ZC3HAV1: variants seen among roughly 807,000 people sequenced by gnomAD.
ZC3HAV1 encodes the protein zinc finger CCCH-type containing, antiviral 1.
Under a neutral mutation model 86.6 loss-of-function variants are expected in ZC3HAV1, and 41 were observed. That is an observed-to-expected ratio of 0.47 (90% CI 0.37 to 0.61). ZC3HAV1 has a LOEUF of 0.61. Among genes scored for constraint, ZC3HAV1 ranks in the 20% least tolerant of loss-of-function variants. ZC3HAV1 has a pLI of 0.00. For synonymous variants in ZC3HAV1, 421 were observed against 432.1 expected, an observed-to-expected ratio of 0.97 and a Z score of 0.32; for missense variants, 964 against 1,141.1, an observed-to-expected ratio of 0.84 and a Z score of 2.24.
chr7:139,049,141 T>TCG (rs559718504), intron 12 of ZC3HAV1, among the ~76,000 whole-genome samples: 5,323 of 104,096 alleles, frequency 0.051, 179 homozygotes, highest in African/African-American at 0.15. Context: ...TTTTTTTTTT[T>TCG]TTCGTTGTTG....
intron 12 of ZC3HAV1, among the ~76,000 whole-genome samples, chr7:139,051,405 ATT>A (rs58931897): frequency 2.2e-3 from 295 of 133,020 alleles, no homozygotes; most frequent in African/African-American, 7.1e-3. Flanking sequence ...CAATCATTTA[ATT>A]TTTTTTTTTT....
intron 4 of ZC3HAV1, chr7:139,079,254 G>A (rs931265311): frequency 1.3e-6 from 2 of 1,536,666 alleles, no homozygotes; most frequent in South Asian, 1.2e-5. Flanking sequence ...ACTTGTGCAG[G>A]GGCAGTGGAT....
In ZC3HAV1 at chr7:139,057,705, AT is replaced by A. The variant is rs1563124903; in HGVS notation, c.2097-2411del. The stretch of plus-strand genomic sequence containing the variant: ...AGGCGCCCGCCACCACGCCCGGCTA[AT>A]TTTTTTGTTATTTTTAGTAGAGATG... On this transcript the variant is annotated intron_variant, in intron 9 of 12. Transcript: ENST00000242351. Among the ~76,000 whole-genome samples the A allele has an allele frequency of 6.3e-5, 5 of 79,220 alleles. 1 individual carries two copies. The highest frequency in any genetic ancestry group is 1.2e-4 in the Non-Finnish European group (5 of 41,300). The allele number at this position is 79,220 out of a possible 152,430, so 52.0% of individuals were successfully genotyped here.
intron 9 of ZC3HAV1, 77 bp downstream of exon 9, chr7:139,060,951 GCTCCAGAT>G (rs1563126242): frequency 6.2e-7 from 1 of 1,604,436 alleles, no homozygotes; most frequent in South Asian, 1.1e-5. Context: ...AGGAAAACAG[GCTCCAGAT>G]TCACGAGTGA....
At chr7:139,101,878 C>T (rs9691879) in intron 1 of ZC3HAV1, among the ~76,000 whole-genome samples, 4 of 151,616 alleles carry the variant, frequency 2.6e-5, no homozygotes, top group Non-Finnish European at 4.4e-5. Flanking sequence ...TGCGGAAGGC[C>T]GCAGGGTCCT....
intron 2 of ZC3HAV1, 126 bp downstream of exon 2, chr7:139,089,498 G>T: frequency 1.6e-6 from 2 of 1,244,438 alleles, no homozygotes; most frequent in Non-Finnish European, 2.2e-6. Flanking sequence ...CTCAATAACA[G>T]CCTCGACTAC....
rs1291403955 is a variant in ZC3HAV1, at chr7:139,043,905, A to G, written c.*3689T>C. 2 of 152,258 alleles carry G rather than the reference A, an allele frequency of 1.3e-5. No individual in the cohort carries two copies. The highest frequency in any genetic ancestry group is 1.9e-4 in the East Asian group (1 of 5,200). 9.4% of individuals were successfully genotyped at this position (152,258 alleles called of 1,614,324 possible). ...AAGGATGCTAGATATTCAGTAGGTC[A>G]GTGGAAAAAATCAGTGGTTCTCACT... is the stretch of plus-strand genomic sequence containing the variant. On this transcript the variant is annotated 3_prime_UTR_variant, in exon 13 of 13. Transcript: ENST00000242351.
At chr7:139,085,868 T>C (rs1463831161) in intron 2 of ZC3HAV1, among the ~76,000 whole-genome samples, 2 of 151,758 alleles carry the variant, frequency 1.3e-5, no homozygotes, top group Non-Finnish European at 2.9e-5. Context: ...CAAAAAATTA[T>C]CCGGGTGTGG....
intron 8 of ZC3HAV1, 25 bp from the exon 9 acceptor site, chr7:139,061,163 G>C: frequency 6.2e-7 from 1 of 1,601,726 alleles, no homozygotes; most frequent in Non-Finnish European, 8.5e-7. Flanking sequence ...AAAAATAAAA[G>C]CAGTGAGAAT....
chr7:139,100,236 A>G (rs1311904571), intron 1 of ZC3HAV1, among the ~76,000 whole-genome samples: 5 of 152,172 alleles, frequency 3.3e-5, no homozygotes, highest in African/African-American at 4.8e-5. Context: ...ATAAAGAATT[A>G]AAACCACAAT....
Position 139,047,792 on chromosome 7 carries a change from G to A in ZC3HAV1, c.2511C>T (p.Asn837=), listed in dbSNP as rs1044892116. 1.9e-6 allele frequency: 3 copies of A among 1,613,994 alleles called. No individual in the cohort carries two copies. Among genetic ancestry groups the A allele is most frequent in the Non-Finnish European group, 2.5e-6 (3 of 1,180,020 alleles). Residue 837 remains asparagine (N), a synonymous_variant, in exon 13 of 13, where the codon AAC becomes AAT. Coordinates refer to ENST00000242351, the MANE Select transcript of ZC3HAV1 (RefSeq NM_020119.4). ...GAACTTGGGCTACAAACATAACGACGTTTTTGGCATCATACGGGCAATTTT... is the reference window on the plus strand; with the variant it reads ...GAACTTGGGCTACAAACATAACGACATTTTTGGCATCATACGGGCAATTTT... The part of the protein sequence containing the change: ...SHKNCPYDAK[N]VVMFVAQVLV...
chr7:139,062,996 T>C (rs1816489324), intron 8 of ZC3HAV1, among the ~76,000 whole-genome samples: 1 of 119,034 alleles, frequency 8.4e-6, no homozygotes, highest in African/African-American at 3.4e-5. Flanking sequence ...GCCTTTGCAC[T>C]CCAGCCTGGT....
chr7:139,094,410 C>T (rs560053788), intron 1 of ZC3HAV1, among the ~76,000 whole-genome samples: 1 of 148,726 alleles, frequency 6.7e-6, no homozygotes, highest in Non-Finnish European at 1.5e-5. Context: ...TTTCCCAGGA[C>T]AAAACAAGCG....
chr7:139,087,483 G>A (rs1020271995), intron 2 of ZC3HAV1, among the ~76,000 whole-genome samples: 6 of 151,972 alleles, frequency 3.9e-5, no homozygotes, highest in Admixed American at 1.3e-4. Flanking sequence ...GAGAGAGAGA[G>A]AGAAACAAAC....
intron 1 of ZC3HAV1, among the ~76,000 whole-genome samples, chr7:139,097,413 T>TC (rs1817624143): frequency 1.2e-5 from 1 of 80,278 alleles, no homozygotes; most frequent in Non-Finnish European, 2.3e-5. Context: ...TATATATATA[T>TC]ATATATATAT....
chr7:139,091,281 C>T (rs1180938540), intron 1 of ZC3HAV1, among the ~76,000 whole-genome samples: 3 of 152,134 alleles, frequency 2.0e-5, no homozygotes, highest in East Asian at 1.9e-4. Flanking sequence ...GGGCGGATCA[C>T]GAGGTCAGGA....
chr7:139,075,073 G>A (rs1341924687), intron 6 of ZC3HAV1, among the ~76,000 whole-genome samples: 3 of 101,154 alleles, frequency 3.0e-5, no homozygotes, highest in African/African-American at 1.2e-4. Context: ...CAGTGGGGCT[G>A]GTGGGGGGGT....
Position 139,047,423 on chromosome 7 carries a change from T to C in ZC3HAV1, c.*171A>G. 1.2e-6 allele frequency: 1 copy of C among 838,126 alleles called. No individual in the cohort carries two copies. Among genetic ancestry groups the C allele is most frequent in the South Asian group, 1.7e-5 (1 of 58,246 alleles). The allele number at this position is 838,126 out of a possible 1,614,324, so 51.9% of individuals were successfully genotyped here. On this transcript the variant is annotated 3_prime_UTR_variant, in exon 13 of 13. Transcript: ENST00000242351. ...GGTGCAACCTGGGCATCAGAATTTG[T>C]TTAAAACCTCCCAGATGATTCTAAT...
chr7:139,075,564 C>T (rs539476456), intron 6 of ZC3HAV1, among the ~76,000 whole-genome samples: 41 of 152,266 alleles, frequency 2.7e-4, no homozygotes, highest in African/African-American at 9.6e-4. Flanking sequence ...TCCCGAGTAG[C>T]GAGTAGCTGG....
Sources: allele counts gnomAD v4.1 joint callset (sites outside exome capture counted in the v4.1 genomes callset), GRCh38; gene constraint gnomAD v4.1.1; transcripts MANE v1.5; gene names NCBI Gene and HGNC (gene_info 2026-07-23, HGNC 2026-07-21).